SRGAP2: variants seen among roughly 807,000 people sequenced by gnomAD.
SRGAP2 encodes the protein SLIT-ROBO Rho GTPase-activating protein 2.
A neutral mutation model predicts 57.2 loss-of-function variants in SRGAP2; 15 were observed. That is an observed-to-expected ratio of 0.26 (90% CI 0.18 to 0.40). The LOEUF (loss-of-function observed/expected upper bound fraction) is 0.40, where lower values mean the gene tolerates loss of function less well. SRGAP2 is among the 10% of genes least tolerant of loss of function. The pLI, the probability that SRGAP2 is intolerant of heterozygous loss-of-function variation, is 1.00. For missense variants in SRGAP2, 520 were observed against 669.6 expected (o/e 0.78, Z 2.47); for synonymous variants, 249 against 248.0 (o/e 1.00, Z -0.04).
intron 3 of SRGAP2, among the ~76,000 whole-genome samples, chr1:206,306,875 G>C (rs1183847508): frequency 2.0e-5 from 3 of 151,762 alleles, no homozygotes; most frequent in Non-Finnish European, 4.4e-5. Flanking sequence ...AGTGCCGATT[G>C]GTGTATTTAC....
intron 3 of SRGAP2, among the ~76,000 whole-genome samples, chr1:206,323,550 A>T (rs1673632570): frequency 6.6e-6 from 1 of 151,738 alleles, no homozygotes; most frequent in African/African-American, 2.4e-5. Context: ...CCTCTTTTGC[A>T]TTTAGCGAAC....
intron 10 of SRGAP2, among the ~76,000 whole-genome samples, chr1:206,411,360 G>C (rs916173153): frequency 6.6e-6 from 1 of 152,290 alleles, no homozygotes; most frequent in East Asian, 1.9e-4. Context: ...TGGAACTTGT[G>C]GTCTGAGATC....
At chr1:206,346,375 C>A (rs1675631050) in intron 4 of SRGAP2, among the ~76,000 whole-genome samples, 1 of 152,188 alleles carries the variant, frequency 6.6e-6, no homozygotes, top group Non-Finnish European at 1.5e-5. Flanking sequence ...ACACTGGGGG[C>A]TTCCTTCTGG....
chr1:206,359,238 A>G (rs111446314), intron 4 of SRGAP2, among the ~76,000 whole-genome samples: 8,428 of 103,536 alleles, frequency 0.081, 417 homozygotes, highest in South Asian at 0.22. Flanking sequence ...TGGGAGAAAT[A>G]TGTGGAAATA....
At chr1:206,426,127 TC>T (rs547812793) in intron 13 of SRGAP2, among the ~76,000 whole-genome samples, 6 of 152,214 alleles carry the variant, frequency 3.9e-5, no homozygotes, top group African/African-American at 1.4e-4. Context: ...GACCCCTCAC[TC>T]CCCGCTACCC....
intron 10 of SRGAP2, among the ~76,000 whole-genome samples, chr1:206,413,558 G>A (rs552731654): frequency 6.6e-5 from 10 of 152,334 alleles, no homozygotes; most frequent in Non-Finnish European, 1.3e-4. Flanking sequence ...ATTTGGTTTT[G>A]GCTTGTTTTA....
chr1:206,298,980 C>G (rs1671734463), intron 2 of SRGAP2, among the ~76,000 whole-genome samples: 1 of 152,154 alleles, frequency 6.6e-6, no homozygotes, highest in Admixed American at 6.5e-5. Flanking sequence ...TTAGACCTGT[C>G]TTTTCCTCCT....
At chr1:206,369,790 T>G (rs1654356793) in intron 4 of SRGAP2, among the ~76,000 whole-genome samples, 1 of 152,162 alleles carries the variant, frequency 6.6e-6, no homozygotes, top group African/African-American at 2.4e-5. Flanking sequence ...ATCAGAACCC[T>G]CATACATTGC....
chr1:206,289,153 G>A lies in SRGAP2; in HGVS notation c.68-14128G>A, dbSNP rs1294161074. On this transcript the variant is annotated intron_variant, in intron 2 of 22. Coordinates refer to ENST00000573034, the MANE Select transcript of SRGAP2 (RefSeq NM_015326.5). ...CATCATGCTACTTTGATAATCATCAGCTCAGGGCCAATTTTGTTTTATCTG... is the reference window on the plus strand; with the variant it reads ...CATCATGCTACTTTGATAATCATCAACTCAGGGCCAATTTTGTTTTATCTG... Among the ~76,000 whole-genome samples, 17 of 134,724 alleles carry A rather than the reference G, an allele frequency of 1.3e-4. No individual in the cohort carries two copies. In the South Asian group the frequency reaches 4.1e-3, roughly 32 times the overall value. The allele number at this position is 134,724 out of a possible 152,430, so 88.4% of individuals were successfully genotyped here. A position where few individuals can be genotyped will look rare whatever the true frequency, so the allele number is the denominator to read the frequency against.
intron 17 of SRGAP2, among the ~76,000 whole-genome samples, chr1:206,442,907 C>T (rs1194641382): frequency 1.3e-5 from 2 of 152,058 alleles, no homozygotes; most frequent in Non-Finnish European, 2.9e-5. Context: ...GCTGTGAGTC[C>T]TGGATGTATG....
At chr1:206,253,844 G>A (rs1310746160) in intron 2 of SRGAP2, among the ~76,000 whole-genome samples, 1 of 150,504 alleles carries the variant, frequency 6.6e-6, no homozygotes, top group Non-Finnish European at 1.5e-5. Flanking sequence ...GCAGTCTGTG[G>A]CATTCTGTTA....
At chr1:206,430,873 C>T (rs1445466307) in intron 14 of SRGAP2, among the ~76,000 whole-genome samples, 1 of 152,090 alleles carries the variant, frequency 6.6e-6, no homozygotes, top group African/African-American at 2.4e-5. Context: ...ATTTAGCGAT[C>T]GAAATAATTG....
rs782036275 is a variant in SRGAP2 at position 206,454,087 on chromosome 1, C to T, written c.2360+707C>T. On this transcript the variant is annotated intron_variant, in intron 20 of 22. Transcript: ENST00000573034. The surrounding 1 kb of genome is among the most constrained non-coding windows in gnomAD (Gnocchi z 4.3). ...CCTGTCTCTGTCCCCAGCTCCCCTC[C>T]CTTGGATACGATGCTGTCAGTGTTT... 4.3e-6 allele frequency: 3 copies of T among 702,020 alleles called. No homozygotes were observed. Among genetic ancestry groups the T allele is most frequent in the Non-Finnish European group, 7.8e-6 (3 of 384,746 alleles). The allele number at this position is 702,020 out of a possible 1,614,324, so 43.5% of individuals were successfully genotyped here.
intron 7 of SRGAP2, among the ~76,000 whole-genome samples, chr1:206,397,297 A>G (rs1442191753): frequency 1.3e-5 from 2 of 151,442 alleles, no homozygotes; most frequent in Non-Finnish European, 2.9e-5. Context: ...TATGAGATAA[A>G]AAGGGCCAAA....
At chr1:206,360,404 A>G (rs1361861195) in intron 4 of SRGAP2, among the ~76,000 whole-genome samples, 1 of 146,246 alleles carries the variant, frequency 6.8e-6, no homozygotes, top group Non-Finnish European at 1.5e-5. Flanking sequence ...CTGGAGAGGC[A>G]TGATACAGTC....
chr1:206,419,229 C>T (rs1360838930), intron 11 of SRGAP2, 144 bp from the exon 12 acceptor site: 14 of 633,890 alleles, frequency 2.2e-5, no homozygotes, highest in Non-Finnish European at 4.1e-5. Context: ...CTCTCTGTCT[C>T]TCTCTCTCTC....
intron 2 of SRGAP2, among the ~76,000 whole-genome samples, chr1:206,241,846 G>A (rs1668249360): frequency 2.6e-5 from 4 of 151,440 alleles, no homozygotes; most frequent in South Asian, 4.2e-4. Context: ...ATTGCTCTAT[G>A]GATTTAAAAG....
intron 2 of SRGAP2, among the ~76,000 whole-genome samples, chr1:206,213,571 GA>G (rs1457914770): frequency 2.0e-5 from 3 of 151,390 alleles, no homozygotes; most frequent in Non-Finnish European, 4.4e-5. Context: ...AGAAAGAAAA[GA>G]AAAAAAATCA....
At chr1:206,224,660 C>A in intron 2 of SRGAP2, among the ~76,000 whole-genome samples, 1 of 99,350 alleles carries the variant, frequency 1.0e-5, no homozygotes, top group Non-Finnish European at 2.1e-5. Flanking sequence ...TCCTGCATCA[C>A]TTCCTACACC....
Sources: gnomAD v4.1 joint callset for allele counts (sites outside exome capture counted in the v4.1 genomes callset) on GRCh38, gnomAD v4.1.1 for gene constraint, Gnocchi (gnomAD v3.1) non-coding constraint, MANE v1.5 for transcripts, NCBI Gene and HGNC (gene_info 2026-07-23, HGNC 2026-07-21) for gene names.